The following CFAP70 variants were observed in gnomAD, a reference collection of about 807,000 sequenced individuals.
CFAP70 encodes cilia and flagella associated protein 70.
CFAP70 carries 81 observed loss-of-function variants against 137.6 expected under a neutral mutation model. That is an observed-to-expected ratio of 0.59 (90% CI 0.49 to 0.71). The LOEUF (loss-of-function observed/expected upper bound fraction) is 0.71, where lower values mean the gene tolerates loss of function less well. Among genes scored for constraint, CFAP70 ranks in the 30% least tolerant of loss-of-function variants. The pLI is 0.00. For missense variants in CFAP70, 976 were observed against 1,226.7 expected (o/e 0.80, Z 3.05); for synonymous variants, 382 against 423.6 (o/e 0.90, Z 1.20).
At chr10:73,285,894 G>C (rs578012507) in intron 19 of CFAP70, among the ~76,000 whole-genome samples, 4 of 151,894 alleles carry the variant, frequency 2.6e-5, no homozygotes, top group African/African-American at 4.8e-5. Context: ...CTCAGCCTCC[G>C]AAAGTGCTGG....
intron 4 of CFAP70, among the ~76,000 whole-genome samples, chr10:73,347,755 C>T (rs191925497): frequency 2.6e-3 from 399 of 152,230 alleles, no homozygotes; most frequent in African/African-American, 8.5e-3. Context: ...GCTAGAACTG[C>T]TGGATTAGAA....
intron 19 of CFAP70, among the ~76,000 whole-genome samples, chr10:73,288,033 G>A (rs1012562968): frequency 6.6e-6 from 1 of 152,054 alleles, no homozygotes; most frequent in African/African-American, 2.4e-5. Context: ...GAGCTGCTGG[G>A]ACTACAGGTG....
At chr10:73,281,317 C>G (rs185967821) in intron 19 of CFAP70, among the ~76,000 whole-genome samples, 5 of 151,216 alleles carry the variant, frequency 3.3e-5, no homozygotes, top group African/African-American at 9.7e-5. Context: ...CCCTAGTAGC[C>G]GGGACTACAG....
At chr10:73,331,186 T>C (rs762754274) in exon 8 of CFAP70, 4 of 1,610,396 alleles carry the variant, frequency 2.5e-6, no homozygotes, top group Non-Finnish European at 3.4e-6. Flanking sequence ...CCTTTTCAGT[T>C]TTGCCAGCTT....
intron 3 of CFAP70, among the ~76,000 whole-genome samples, chr10:73,351,067 GTGTGTATATA>G (rs1250735689): frequency 0.012 from 753 of 63,936 alleles, 6 homozygotes; most frequent in African/African-American, 0.049. Context: ...GTGTGTGTGT[GTGTGTATATA>G]TATATATATA....
At chr10:73,337,890 G>A (rs1450436174) in intron 6 of CFAP70, among the ~76,000 whole-genome samples, 1 of 152,038 alleles carries the variant, frequency 6.6e-6, no homozygotes, top group African/African-American at 2.4e-5. Context: ...TGGGCAACAG[G>A]AAGGAAACTC....
At chr10:73,331,834 A>G (rs2132308072) in intron 7 of CFAP70, among the ~76,000 whole-genome samples, 1 of 152,344 alleles carries the variant, frequency 6.6e-6, no homozygotes, top group South Asian at 2.1e-4. Context: ...AAAAATATCC[A>G]TAATCATTGA....
intron 25 of CFAP70, among the ~76,000 whole-genome samples, chr10:73,261,043 G>A (rs1277697648): frequency 6.6e-6 from 1 of 151,952 alleles, no homozygotes; most frequent in Non-Finnish European, 1.5e-5. Context: ...TTCCAAAGTG[G>A]TTGTACCAAT....
chr10:73,267,497 T>C (rs2045884117), intron 25 of CFAP70, among the ~76,000 whole-genome samples: 1 of 152,174 alleles, frequency 6.6e-6, no homozygotes, highest in African/African-American at 2.4e-5. Flanking sequence ...TAGCTTAGAT[T>C]CAAGGGGGTG....
chr10:73,311,696 A>G (rs932531002), intron 11 of CFAP70, 138 bp downstream of exon 12: 14 of 755,018 alleles, frequency 1.9e-5, no homozygotes, highest in South Asian at 3.2e-5. Flanking sequence ...AAATTTGCCC[A>G]AAGTCATAGA....
intron 24 of CFAP70, among the ~76,000 whole-genome samples, chr10:73,272,146 T>A (rs993776815): frequency 1.3e-5 from 2 of 152,010 alleles, no homozygotes; most frequent in Admixed American, 6.6e-5. Flanking sequence ...ACCAGCCTGG[T>A]CAATATGGTG....
At chr10:73,344,661 G>C (rs191831798) in intron 5 of CFAP70, among the ~76,000 whole-genome samples, 100 of 152,316 alleles carry the variant, frequency 6.6e-4, no homozygotes, top group African/African-American at 2.2e-3. Flanking sequence ...AAGAGCCTAA[G>C]AAACTCCATA....
chr10:73,341,470 T>C (rs1345266853), exon 6 of CFAP70: 2 of 1,614,236 alleles, frequency 1.2e-6, no homozygotes, highest in African/African-American at 1.3e-5. Flanking sequence ...GGAATGTTAT[T>C]AGCTCCTGGA....
intron 16 of CFAP70, among the ~76,000 whole-genome samples, chr10:73,292,679 G>A (rs2048262634): frequency 6.6e-6 from 1 of 152,066 alleles, no homozygotes. Context: ...ATGCTTATGT[G>A]CAAATATTTT....
At chr10:73,354,687 G>GTAC (rs1564896337) in intron 2 of CFAP70, 47 bp downstream of exon 2, 1 of 1,523,024 alleles carries the variant, frequency 6.6e-7, no homozygotes, top group Non-Finnish European at 9.1e-7. Context: ...CCTCCTGCAG[G>GTAC]TACTCCCAAA....
chr10:73,270,505 CT>C (rs2046190450), intron 24 of CFAP70, among the ~76,000 whole-genome samples: 1 of 3,028 alleles, frequency 3.3e-4, no homozygotes, highest in African/African-American at 9.7e-4. Flanking sequence ...CTTCCCTTCC[CT>C]TCCCCTCCCC....
At chr10:73,320,149 C>T (rs957372651) in intron 9 of CFAP70, among the ~76,000 whole-genome samples, 2 of 151,992 alleles carry the variant, frequency 1.3e-5, no homozygotes, top group African/African-American at 2.4e-5. Context: ...TTTTGGTAAA[C>T]GAAATACTTT....
exon 11 of CFAP70, chr10:73,311,888 G>A (rs750956081): frequency 1.9e-6 from 3 of 1,613,774 alleles, no homozygotes; most frequent in South Asian, 1.1e-5. Context: ...GAGTATCTGA[G>A]CTCTGAGATT....
chr10:73,290,044 CAAAAAA>C (rs397847750), intron 19 of CFAP70, among the ~76,000 whole-genome samples: 1 of 72,238 alleles, frequency 1.4e-5, no homozygotes, highest in South Asian at 5.2e-4. Flanking sequence ...GACTCCATCT[CAAAAAA>C]AAAAAAAAAA....
Sources: gnomAD v4.1 joint callset for allele counts (sites outside exome capture counted in the v4.1 genomes callset) on GRCh38, gnomAD v4.1.1 for gene constraint, MANE v1.5 for transcripts, NCBI Gene and HGNC (gene_info 2026-07-23, HGNC 2026-07-21) for gene names.